Variants in VEPH1 observed in about 807,000 individuals in gnomAD.
VEPH1 encodes ventricular zone-expressed PH domain-containing protein homolog 1.
In VEPH1, 80 loss-of-function variants were observed where a neutral mutation model predicts 85.2. The ratio of observed to expected loss-of-function variants is 0.94; its 90% CI spans 0.78 to 1.13. The LOEUF (loss-of-function observed/expected upper bound fraction) is 1.13, where lower values mean the gene tolerates loss of function less well. Ranked by LOEUF, VEPH1 falls within the 50% of genes most tolerant of loss-of-function variation. The probability of loss-of-function intolerance (pLI) is 0.00; values close to 1 mark genes in which losing one functional copy is unlikely to be tolerated. For missense variants in VEPH1, 955 were observed against 980.5 expected, an observed-to-expected ratio of 0.97 and a Z score of 0.35; for synonymous variants, 297 against 348.0, an observed-to-expected ratio of 0.85 and a Z score of 1.63.
At chr3:157,368,715 T>A (rs1560000371) in intron 7 of VEPH1, among the ~76,000 whole-genome samples, 1 of 151,960 alleles carries the variant, frequency 6.6e-6, no homozygotes, top group Non-Finnish European at 1.5e-5. Context: ...ATGGTCTCAA[T>A]CTCCTGACCT....
intron 1 of VEPH1, among the ~76,000 whole-genome samples, chr3:157,498,882 A>G (rs1414525451): frequency 1.3e-5 from 2 of 152,208 alleles, no homozygotes; most frequent in African/African-American, 4.8e-5. Flanking sequence ...GTACATATAC[A>G]TGTATCATGT....
chr3:157,482,058 G>A (rs1004162103), intron 2 of VEPH1, among the ~76,000 whole-genome samples: 1 of 152,168 alleles, frequency 6.6e-6, no homozygotes, highest in African/African-American at 2.4e-5. Flanking sequence ...GTACCATGCT[G>A]TCTTAGTTAT....
At chr3:157,478,340 A>G (rs1453032298) in intron 2 of VEPH1, among the ~76,000 whole-genome samples, 1 of 152,136 alleles carries the variant, frequency 6.6e-6, no homozygotes, top group Non-Finnish European at 1.5e-5. Flanking sequence ...ACCCCCTAAC[A>G]GGTATTGTTT....
intron 4 of VEPH1, chr3:157,442,920 A>G (rs1483378936): frequency 6.2e-7 from 1 of 1,614,024 alleles, no homozygotes; most frequent in Non-Finnish European, 8.5e-7. Context: ...CCGGGGGAAT[A>G]TTGTTGGGTG....
rs9871100 is a variant in VEPH1 at position 157,381,669 on chromosome 3, A to C, written c.907-293T>G. 2.3e-3 allele frequency: 871 copies of C among 374,040 alleles called. 8 individuals are homozygous for C. Among genetic ancestry groups the C allele is most frequent in the African/African-American group, 0.017 (817 of 48,542 alleles). 23.2% of individuals were successfully genotyped at this position (374,040 alleles called of 1,614,324 possible). ...AGGAGGCAGACGGTGCAGTGAGCCA[A>C]GATTGTGCCACTGCACTCCAGCCTG... On this transcript the variant is annotated intron_variant, in intron 6 of 13. Coordinates refer to ENST00000362010, the MANE Select transcript of VEPH1 (RefSeq NM_001167912.2).
rs1417067119 is a variant in VEPH1, at chr3:157,369,193, A to ACAAAACAAAAAAAAAAAAAC, written c.1128-4682_1128-4681insGTTTTTTTTTTTTTGTTTTG. Reference sequence around the variant, plus strand: ...CAAAAACCAAATGAAAAAAAAAAAAAAAAAAAAAAAACCTCCTGAGGTCTA... The same window carrying ACAAAACAAAAAAAAAAAAAC: ...CAAAAACCAAATGAAAAAAAAAAAAACAAAACAAAAAAAAAAAAACAAAAAAAAAAACCTCCTGAGGTCTA... On this transcript the variant is annotated intron_variant, in intron 7 of 13. Coordinates refer to ENST00000362010, the MANE Select transcript of VEPH1 (RefSeq NM_001167912.2). Among the ~76,000 whole-genome samples the ACAAAACAAAAAAAAAAAAAC allele has an allele frequency of 6.4e-5, 9 of 140,632 alleles. No homozygotes were observed. In the South Asian group the frequency reaches 2.0e-3, roughly 32 times the overall value. The allele number at this position is 140,632 out of a possible 152,430, so 92.3% of individuals were successfully genotyped here.
At chr3:157,383,679 C>A (rs1279359956) in intron 6 of VEPH1, among the ~76,000 whole-genome samples, 3 of 152,250 alleles carry the variant, frequency 2.0e-5, no homozygotes, top group African/African-American at 7.2e-5. Flanking sequence ...GGCACAGTGT[C>A]CTGTATGGGT....
intron 9 of VEPH1, among the ~76,000 whole-genome samples, chr3:157,318,519 TG>T (rs1720997031): frequency 6.6e-6 from 1 of 151,028 alleles, no homozygotes; most frequent in African/African-American, 2.4e-5. Flanking sequence ...GAGCAGGAGG[TG>T]GGCTTGAGCC....
intron 12 of VEPH1, among the ~76,000 whole-genome samples, chr3:157,275,487 A>G (rs1318131455): frequency 6.6e-6 from 1 of 152,074 alleles, no homozygotes; most frequent in Non-Finnish European, 1.5e-5. Context: ...GAGGCAGGAA[A>G]ATTGCTTGAA....
intron 7 of VEPH1, among the ~76,000 whole-genome samples, chr3:157,373,641 AG>A (rs1451407531): frequency 6.6e-6 from 1 of 152,166 alleles, no homozygotes; most frequent in Non-Finnish European, 1.5e-5. Flanking sequence ...CGTGGGTTGT[AG>A]AGGGTCAAGG....
At position 157,416,452 on chromosome 3, in the gene VEPH1, T is replaced by G. The variant is rs1731918996; in HGVS notation, c.697-2362A>C. On this transcript the variant is annotated intron_variant, in intron 5 of 13. Coordinates refer to ENST00000362010, the MANE Select transcript of VEPH1 (RefSeq NM_001167912.2). ...TGCATTAGGGAGCAATTGTATGTCC[T>G]TCAGGAGAAGCCATGCGAGGTCCCT... Among the ~76,000 whole-genome samples the G allele has an allele frequency of 2.6e-5, 4 of 152,198 alleles. No homozygotes were observed. In the South Asian group the frequency reaches 8.3e-4, roughly 31 times the overall value.
intron 6 of VEPH1, among the ~76,000 whole-genome samples, chr3:157,386,203 A>AATC (rs1729270476): frequency 6.7e-6 from 1 of 148,534 alleles, no homozygotes; most frequent in Non-Finnish European, 1.5e-5. Flanking sequence ...CCAAACAAAT[A>AATC]ATCATAGATT....
intron 5 of VEPH1, among the ~76,000 whole-genome samples, chr3:157,420,037 C>G (rs1475491258): frequency 6.6e-6 from 1 of 152,048 alleles, no homozygotes. Context: ...ATGGATGGAG[C>G]TGGAAGCCAT....
At chr3:157,347,985 C>A (rs1328025491) in intron 9 of VEPH1, among the ~76,000 whole-genome samples, 2 of 152,208 alleles carry the variant, frequency 1.3e-5, no homozygotes, top group Non-Finnish European at 2.9e-5. Flanking sequence ...CTCTGGGGGT[C>A]AGTGGCCACT....
At chr3:157,395,101 C>T (rs960952747) in intron 6 of VEPH1, among the ~76,000 whole-genome samples, 1 of 152,114 alleles carries the variant, frequency 6.6e-6, no homozygotes, top group African/African-American at 2.4e-5. Context: ...AATGCATTGC[C>T]GCATTTCTGT....
chr3:157,344,278 C>T (rs1559976666), intron 9 of VEPH1, among the ~76,000 whole-genome samples: 1 of 152,058 alleles, frequency 6.6e-6, no homozygotes, highest in Non-Finnish European at 1.5e-5. Flanking sequence ...TTTAGAAAAC[C>T]CCATCATCTC....
At chr3:157,427,263 C>T (rs190184892) in intron 5 of VEPH1, among the ~76,000 whole-genome samples, 65 of 152,192 alleles carry the variant, frequency 4.3e-4, no homozygotes, top group African/African-American at 1.4e-3. Flanking sequence ...GGATTACAGG[C>T]GTGAGCCACC....
intron 9 of VEPH1, among the ~76,000 whole-genome samples, chr3:157,336,784 C>T (rs1330981144): frequency 6.6e-6 from 1 of 152,142 alleles, no homozygotes; most frequent in East Asian, 1.9e-4. Context: ...TGACTCACTG[C>T]TTGCTTGTTT....
chr3:157,369,179 T>TAAAAA (rs1560000948), intron 7 of VEPH1, among the ~76,000 whole-genome samples: 10 of 15,052 alleles, frequency 6.6e-4, no homozygotes, highest in Non-Finnish European at 1.1e-3. Context: ...AAAAACCAAA[T>TAAAAA]GAAAAAAAAA....
Sources: allele counts gnomAD v4.1 joint callset (sites outside exome capture counted in the v4.1 genomes callset), GRCh38; gene constraint gnomAD v4.1.1; transcripts MANE v1.5; gene names NCBI Gene and HGNC (gene_info 2026-07-23, HGNC 2026-07-21).